Variants in NSL1 observed in about 807,000 individuals in gnomAD.
NSL1 encodes NSL1 component of MIS12 kinetochore complex, also known as kinetochore-associated protein NSL1 homolog.
Under a neutral mutation model 25.4 loss-of-function variants are expected in NSL1, and 11 were observed. That is an observed-to-expected ratio of 0.43 (90% CI 0.27 to 0.72). The LOEUF (loss-of-function observed/expected upper bound fraction) is 0.72. Ranked by LOEUF, NSL1 falls within the 30% of genes least tolerant of loss-of-function variation. NSL1 has a pLI of 0.19. For synonymous variants in NSL1, 118 were observed against 120.6 expected (o/e 0.98, Z 0.14); for missense variants, 330 against 342.7 (o/e 0.96, Z 0.29).
chr1:212,781,915 A>T (rs1402955716), intron 4 of NSL1: 4 of 316,588 alleles, frequency 1.3e-5, no homozygotes, highest in Non-Finnish European at 2.5e-5. Context: ...CTGAGTTCAA[A>T]GGCATAATGA....
intron 4 of NSL1, among the ~76,000 whole-genome samples, chr1:212,750,366 CAAGA>C (rs1659011685): frequency 6.6e-6 from 1 of 151,684 alleles, no homozygotes; most frequent in Non-Finnish European, 1.5e-5. Context: ...GAGAATAAAT[CAAGA>C]AAGAGTAGAA....
At chr1:212,751,640 C>G (rs978645344) in intron 4 of NSL1, among the ~76,000 whole-genome samples, 4 of 152,054 alleles carry the variant, frequency 2.6e-5, no homozygotes, top group African/African-American at 7.2e-5. Context: ...CTTTATGGTA[C>G]CTTTTTTTCT....
At chr1:212,740,036 T>G (rs995690235) in intron 4 of NSL1, among the ~76,000 whole-genome samples, 38 of 152,192 alleles carry the variant, frequency 2.5e-4, no homozygotes, top group African/African-American at 7.5e-4. Flanking sequence ...TGGAACAGAT[T>G]ATCAGTAATA....
intron 4 of NSL1, among the ~76,000 whole-genome samples, chr1:212,774,396 T>A (rs546982590): frequency 3.3e-5 from 5 of 152,078 alleles, no homozygotes; most frequent in East Asian, 3.9e-4. Context: ...TTAAAAAAAA[T>A]TTAAGGAAAG....
In NSL1 at chr1:212,761,232, C is replaced by T. The variant is rs1659547446; in HGVS notation, c.499+21140G>A. On this transcript the variant is annotated intron_variant, in intron 4 of 5. Coordinates refer to ENST00000366977, the MANE Select transcript of NSL1 (RefSeq NM_015471.4). ...CACTTCCAAAACAACTATGATAATT[C>T]TCCAGCAAAAGATTCCAGTGAAAAA... Among the ~76,000 whole-genome samples the T allele has an allele frequency of 2.6e-5, 4 of 152,272 alleles. No homozygotes were observed. In the South Asian group the frequency reaches 8.3e-4, roughly 32 times the overall value.
chr1:212,752,897 A>G (rs147864525), intron 4 of NSL1, among the ~76,000 whole-genome samples: 3,290 of 152,120 alleles, frequency 0.022, 312 homozygotes, highest in Admixed American at 0.17. Flanking sequence ...AGCAAAAAAA[A>G]AAAAAAGCAC....
At chr1:212,778,530 C>T (rs1402393687) in intron 4 of NSL1, among the ~76,000 whole-genome samples, 2 of 151,578 alleles carry the variant, frequency 1.3e-5, no homozygotes, top group East Asian at 1.9e-4. Context: ...TGCTGAGTGC[C>T]TGCGATTGCA....
chr1:212,790,101 C>A (rs531943868), intron 1 of NSL1, among the ~76,000 whole-genome samples: 1 of 152,232 alleles, frequency 6.6e-6, no homozygotes, highest in African/African-American at 2.4e-5. Context: ...GCAAGCTCCG[C>A]CTCCCGGGTT....
intron 4 of NSL1, among the ~76,000 whole-genome samples, chr1:212,743,974 C>A (rs1490449654): frequency 6.6e-6 from 1 of 152,096 alleles, no homozygotes; most frequent in Non-Finnish European, 1.5e-5. Flanking sequence ...AAAAGGCTTG[C>A]CTTTATTTCA....
At chr1:212,749,390 G>T (rs1252575248) in intron 4 of NSL1, among the ~76,000 whole-genome samples, 1 of 132,580 alleles carries the variant, frequency 7.5e-6, no homozygotes, top group Non-Finnish European at 1.5e-5. Flanking sequence ...TGTCACCCAG[G>T]CTGGAGTACA....
Position 212,738,335 on chromosome 1 carries a change from C to T in NSL1, c.*73G>A. ...TTTCTTATTTCAAATGAAGTCTTAT[C>T]TAGGTATTAATTAGGCTGTAATCTA... On this transcript the variant is annotated 3_prime_UTR_variant, in exon 6 of 6. Transcript: ENST00000366977. 1 of 1,529,602 alleles carries T rather than the reference C, an allele frequency of 6.5e-7. No homozygotes were observed. The highest frequency in any genetic ancestry group is 8.7e-7 in the Non-Finnish European group (1 of 1,144,944). The allele number at this position is 1,529,602 out of a possible 1,614,324, so 94.8% of individuals were successfully genotyped here.
Position 212,734,496 on chromosome 1 carries a change from G to T in NSL1, c.*3912C>A, listed in dbSNP as rs993469959. On this transcript the variant is annotated 3_prime_UTR_variant, in exon 6 of 6. Transcript: ENST00000366977. ...GCCATGTGAGCACCACTCAGATCAA[G>T]ATACAGAACATTTTGCTCACCCAAA... is the stretch of plus-strand genomic sequence containing the variant. Among the ~76,000 whole-genome samples the T allele has an allele frequency of 6.6e-6, 1 of 152,168 alleles. No individual in the cohort carries two copies. The highest frequency in any genetic ancestry group is 2.4e-5 in the African/African-American group (1 of 41,436).
rs982448707 is a variant in NSL1 at position 212,740,698 on chromosome 1, A to G, written c.500-1097T>C. On this transcript the variant is annotated intron_variant, in intron 4 of 5. Coordinates refer to ENST00000366977, the MANE Select transcript of NSL1 (RefSeq NM_015471.4). ...TTCTCTTGTGCCCCTTTCCCAGTCA[A>G]TTTTCTCCATAAGAAGCAACCATTT... Among the ~76,000 whole-genome samples, 5 of 152,100 alleles carry G rather than the reference A, an allele frequency of 3.3e-5. No individual in the cohort carries two copies. The East Asian group carries it at 7.7e-4, about 23-fold the overall frequency.
At chr1:212,743,887 G>C (rs763494659) in intron 4 of NSL1, among the ~76,000 whole-genome samples, 3 of 152,126 alleles carry the variant, frequency 2.0e-5, no homozygotes, top group Admixed American at 6.5e-5. Context: ...ACTGGTGCTG[G>C]AGATAACAGA....
rs1316003813 is a variant in NSL1 at position 212,761,563 on chromosome 1, C to G, written c.499+20809G>C. On this transcript the variant is annotated intron_variant, in intron 4 of 5. Transcript: ENST00000366977. ...CGGAGGTGGAAGAATTGCTTGAGCT[C>G]AGGAAGGCTGCAGTGAGCTGTGACT... Among the ~76,000 whole-genome samples the G allele has an allele frequency of 2.0e-5, 3 of 152,008 alleles. 1 individual carries two copies. The highest frequency in any genetic ancestry group is 1.3e-4 in the Admixed American group (2 of 15,248).
At position 212,731,358 on chromosome 1, in the gene NSL1, C is replaced by A; in HGVS notation, c.*7050G>T. 1.0e-6 allele frequency: 1 copy of A among 981,236 alleles called. No individual in the cohort carries two copies. Among genetic ancestry groups the A allele is most frequent in the African/African-American group, 1.7e-5 (1 of 57,200 alleles). 60.8% of individuals were successfully genotyped at this position (981,236 alleles called of 1,614,324 possible). On this transcript the variant is annotated 3_prime_UTR_variant, in exon 6 of 6. Coordinates refer to ENST00000366977, the MANE Select transcript of NSL1 (RefSeq NM_015471.4). Reference sequence around the variant, plus strand: ...ATGGCTTGAGCCCAGGAATTCAAGACCAGCCGGGGCAATATGGCGAGACCC... The same window carrying A: ...ATGGCTTGAGCCCAGGAATTCAAGAACAGCCGGGGCAATATGGCGAGACCC...
Position 212,727,548 on chromosome 1 carries a change from G to A in NSL1, c.*10860C>T. 1 of 985,370 alleles carries A rather than the reference G, an allele frequency of 1.0e-6. No individual in the cohort carries two copies. The highest frequency in any genetic ancestry group is 1.2e-6 in the Non-Finnish European group (1 of 829,918). 61.0% of individuals were successfully genotyped at this position (985,370 alleles called of 1,614,324 possible). On this transcript the variant is annotated 3_prime_UTR_variant, in exon 6 of 6. Coordinates refer to ENST00000366977, the MANE Select transcript of NSL1 (RefSeq NM_015471.4). ...ACTGGAGAGAAAGGACAATGAATTAGACGTGTGCCACATACTTCTCTCAAA... is the reference window on the plus strand; with the variant it reads ...ACTGGAGAGAAAGGACAATGAATTAAACGTGTGCCACATACTTCTCTCAAA...
chr1:212,741,342 A>G (rs1658496701), intron 4 of NSL1, among the ~76,000 whole-genome samples: 1 of 152,198 alleles, frequency 6.6e-6, no homozygotes, highest in Non-Finnish European at 1.5e-5. Flanking sequence ...TGTATCTTCC[A>G]TGGGCTAGGC....
At position 212,737,568 on chromosome 1, in the gene NSL1, A is replaced by T. The variant is rs1484092370; in HGVS notation, c.*840T>A. The T allele has an allele frequency of 1.0e-6, 1 of 974,710 alleles. No individual in the cohort carries two copies. Among genetic ancestry groups the T allele is most frequent in the Non-Finnish European group, 1.2e-6 (1 of 820,192 alleles). The allele number at this position is 974,710 out of a possible 1,614,324, so 60.4% of individuals were successfully genotyped here. A position where few individuals can be genotyped will look rare whatever the true frequency, so the allele number is the denominator to read the frequency against. On this transcript the variant is annotated 3_prime_UTR_variant, in exon 6 of 6. Transcript: ENST00000366977. ...TTCTCCCAGTGATTATATACCTGAT[A>T]TATAAACATCTTCAAATGTGAAATA...
Sources: gnomAD v4.1 joint callset for allele counts (sites outside exome capture counted in the v4.1 genomes callset) on GRCh38, gnomAD v4.1.1 for gene constraint, MANE v1.5 for transcripts, NCBI Gene and HGNC (gene_info 2026-07-23, HGNC 2026-07-21) for gene names.